TCTN2: variants seen among roughly 807,000 people sequenced by gnomAD.
TCTN2 encodes tectonic family member 2.
In TCTN2, 66 loss-of-function variants were observed where a neutral mutation model predicts 83.4. The observed-to-expected ratio is 0.79, with a 90% confidence interval of 0.65 to 0.97. The LOEUF is 0.97. Ranked by LOEUF, TCTN2 falls within the 50% of genes least tolerant of loss-of-function variation. TCTN2 has a pLI of 0.00. For missense variants in TCTN2, 794 were observed against 858.1 expected (o/e 0.93, Z 0.93); for synonymous variants, 301 against 326.7 (o/e 0.92, Z 0.85).
At chr12:123,680,019 G>A (rs1481814409) in intron 5 of TCTN2, among the ~76,000 whole-genome samples, 2 of 151,828 alleles carry the variant, frequency 1.3e-5, no homozygotes, top group Non-Finnish European at 2.9e-5. Context: ...GATTACAGGC[G>A]TGAGCCACCG....
intron 1 of TCTN2, 49 bp downstream of exon 1, chr12:123,671,371 G>A (rs777836313): frequency 1.2e-6 from 2 of 1,606,380 alleles, no homozygotes; most frequent in African/African-American, 1.3e-5. Flanking sequence ...TGAGGGGACT[G>A]GGCGTTAAAA....
At chr12:123,676,698 C>G (rs966979881) in intron 4 of TCTN2, among the ~76,000 whole-genome samples, 3 of 151,800 alleles carry the variant, frequency 2.0e-5, no homozygotes, top group East Asian at 1.9e-4. Context: ...AGCTCTGACC[C>G]CATGAAGGCA....
Position 123,697,191 on chromosome 12 carries a change from C to T in TCTN2, c.1498C>T (p.Gln500Ter). 1 of 1,609,448 alleles carries T rather than the reference C, an allele frequency of 6.2e-7. No individual in the cohort carries two copies. Among genetic ancestry groups the T allele is most frequent in the East Asian group, 2.2e-5 (1 of 44,828 alleles). The change falls in exon 13 of 18, where the codon CAG (glutamine) becomes TAG (stop). Residue 500 changes from glutamine (Q) to a stop codon, truncating the protein, a stop_gained. Transcript: ENST00000303372. LOFTEE classifies it high-confidence loss of function. ...AGTCGGGATTAATGAAAATTGTACT[C>T]AGCTCAGGTGAGTGTTTCATTGATG... ...LEVGINENCTQLRENAVERLD... is the reference protein window; with the variant it reads ...LEVGINENCT
chr12:123,700,989 T>A (rs756171446), intron 14 of TCTN2, among the ~76,000 whole-genome samples: 59 of 152,146 alleles, frequency 3.9e-4, no homozygotes, highest in Non-Finnish European at 7.6e-4. Flanking sequence ...TAAAACAAAG[T>A]CCAAGCAAGG....
At chr12:123,705,968 C>G (rs1180078403) in intron 15 of TCTN2, among the ~76,000 whole-genome samples, 3 of 151,970 alleles carry the variant, frequency 2.0e-5, no homozygotes, top group African/African-American at 7.3e-5. Flanking sequence ...GTTGGTCAGG[C>G]TGGTCTTGAA....
intron 5 of TCTN2, among the ~76,000 whole-genome samples, chr12:123,680,014 C>T (rs562316680): frequency 2.1e-4 from 32 of 151,986 alleles, no homozygotes; most frequent in Non-Finnish European, 3.7e-4. Flanking sequence ...GCGGGGATTA[C>T]AGGCGTGAGC....
At chr12:123,705,943 A>T (rs1956223628) in intron 15 of TCTN2, among the ~76,000 whole-genome samples, 1 of 151,772 alleles carries the variant, frequency 6.6e-6, no homozygotes, top group Non-Finnish European at 1.5e-5. Flanking sequence ...TTTAGTAGAG[A>T]TGGGGTTTCT....
intron 8 of TCTN2, 121 bp downstream of exon 8, chr12:123,690,795 T>C: frequency 7.9e-7 from 1 of 1,269,968 alleles, no homozygotes; most frequent in Non-Finnish European, 1.1e-6. Context: ...CTGCCAATTA[T>C]TTTCTTTGGA....
At chr12:123,683,748 C>T (rs569763574) in intron 5 of TCTN2, among the ~76,000 whole-genome samples, 2 of 152,246 alleles carry the variant, frequency 1.3e-5, no homozygotes, top group African/African-American at 4.8e-5. Context: ...AAGCGATTCT[C>T]CTGCCTCAGC....
intron 5 of TCTN2, among the ~76,000 whole-genome samples, chr12:123,679,960 T>C (rs866940228): frequency 0.014 from 2,137 of 149,414 alleles, 40 homozygotes; most frequent in African/African-American, 0.049. Flanking sequence ...AGGATGGTCT[T>C]GATCTCCTGA....
intron 7 of TCTN2, among the ~76,000 whole-genome samples, chr12:123,690,149 GAA>G (rs1200896332): frequency 6.6e-6 from 1 of 152,174 alleles, no homozygotes; most frequent in Non-Finnish European, 1.5e-5. Context: ...TTTGTGGGAA[GAA>G]AGCATGGGAG....
chr12:123,677,052 C>G (rs1955832587), intron 4 of TCTN2, among the ~76,000 whole-genome samples: 1 of 152,074 alleles, frequency 6.6e-6, no homozygotes, highest in Non-Finnish European at 1.5e-5. Flanking sequence ...ATGGTGCACA[C>G]CTGTGGTCCC....
At chr12:123,688,457 C>T (rs980297170) in intron 7 of TCTN2, among the ~76,000 whole-genome samples, 3 of 152,044 alleles carry the variant, frequency 2.0e-5, no homozygotes, top group African/African-American at 7.2e-5. Context: ...CCCTGTGATC[C>T]TAGTGCCTCA....
At chr12:123,691,612 G>A (rs1261013782) in intron 8 of TCTN2, among the ~76,000 whole-genome samples, 2 of 152,136 alleles carry the variant, frequency 1.3e-5, no homozygotes, top group African/African-American at 4.8e-5. Flanking sequence ...ATGAACACTC[G>A]TGTCCAAGTT....
At position 123,672,040 on chromosome 12, in the gene TCTN2, G is replaced by T. The variant is rs756369722; in HGVS notation, c.191-16G>T. 1.2e-6 allele frequency: 2 copies of T among 1,612,566 alleles called. No individual in the cohort carries two copies. Among genetic ancestry groups the T allele is most frequent in the African/African-American group, 1.3e-5 (1 of 74,824 alleles). Reference sequence around the variant, plus strand: ...CTGGACCTTGCTGCCTTTGCATGCTGGTCTTCTTTCTTTAGGAATATTGCC... The same window carrying T: ...CTGGACCTTGCTGCCTTTGCATGCTTGTCTTCTTTCTTTAGGAATATTGCC... On this transcript the variant is annotated splice_polypyrimidine_tract_variant and intron_variant, in intron 2 of 17. Coordinates refer to ENST00000303372, the MANE Select transcript of TCTN2 (RefSeq NM_024809.5).
At chr12:123,691,472 G>A (rs181912587) in intron 8 of TCTN2, among the ~76,000 whole-genome samples, 17 of 152,256 alleles carry the variant, frequency 1.1e-4, no homozygotes, top group African/African-American at 4.1e-4. Context: ...GTAGTGTGTG[G>A]CAGCACTTCA....
intron 9 of TCTN2, among the ~76,000 whole-genome samples, chr12:123,692,998 T>C (rs1430298374): frequency 2.0e-5 from 3 of 150,376 alleles, no homozygotes; most frequent in Non-Finnish European, 3.0e-5. Context: ...TTTCCTTAAA[T>C]GTTTGATAGT....
Position 123,673,466 on chromosome 12 carries a change from A to G in TCTN2, c.268-149A>G. 5.3e-6 allele frequency: 4 copies of G among 759,340 alleles called. No homozygotes were observed. In the East Asian group the frequency reaches 1.1e-4, roughly 20 times the overall value. The allele number at this position is 759,340 out of a possible 1,614,324, so 47.0% of individuals were successfully genotyped here. On this transcript the variant is annotated intron_variant, in intron 3 of 17. Transcript: ENST00000303372. ...ATGTTACCATAGGTTTATGGGGGGG[A>G]ACTGAAGATAACTGTGTCATCTCTG...
intron 5 of TCTN2, among the ~76,000 whole-genome samples, chr12:123,686,521 T>C (rs1955969285): frequency 6.6e-6 from 1 of 152,204 alleles, no homozygotes; most frequent in South Asian, 2.1e-4. Context: ...GTTTTTGTCT[T>C]CATTTGAGAT....
Sources: gnomAD v4.1 joint callset for allele counts (sites outside exome capture counted in the v4.1 genomes callset) on GRCh38, gnomAD v4.1.1 for gene constraint, MANE v1.5 for transcripts, NCBI Gene and HGNC (gene_info 2026-07-23, HGNC 2026-07-21) for gene names.